RPTOR: variants seen among roughly 807,000 people sequenced by gnomAD.
RPTOR encodes the protein regulatory associated protein of MTOR complex 1.
RPTOR carries 21 observed loss-of-function variants against 169.9 expected under a neutral mutation model. The observed-to-expected ratio is 0.12, with a 90% CI of 0.09 to 0.18. The LOEUF (loss-of-function observed/expected upper bound fraction) is 0.18, where lower values mean the gene tolerates loss of function less well. RPTOR is among the 10% of genes least tolerant of loss of function. RPTOR has a pLI of 1.00. For missense variants in RPTOR, 1,133 were observed against 1,855.9 expected (o/e 0.61, Z 7.16); for synonymous variants, 732 against 753.2 (o/e 0.97, Z 0.46).
chr17:80,569,149 C>G lies in RPTOR; in HGVS notation c.162+23358C>G, dbSNP rs549144973. Among the ~76,000 whole-genome samples, 14 of 152,218 alleles carry G rather than the reference C, an allele frequency of 9.2e-5. No individual in the cohort carries two copies. In the East Asian group the frequency reaches 2.5e-3, roughly 27 times the overall value. On this transcript the variant is annotated intron_variant, in intron 1 of 33. Coordinates refer to ENST00000306801, the MANE Select transcript of RPTOR (RefSeq NM_020761.3). ...TTCCTCGTCACTCTCATTTTTGGGT[C>G]TAGATGGACTGACTTTCTTGTGGTT...
chr17:80,664,239 A>T (rs2065746424), intron 3 of RPTOR, among the ~76,000 whole-genome samples: 1 of 152,266 alleles, frequency 6.6e-6, no homozygotes, highest in South Asian at 2.1e-4. Flanking sequence ...GAGGCTTCCT[A>T]TTCTTTCTTA....
At chr17:80,895,603 G>A (rs1472911525) in intron 20 of RPTOR, among the ~76,000 whole-genome samples, 2 of 152,222 alleles carry the variant, frequency 1.3e-5, no homozygotes, top group Non-Finnish European at 2.9e-5. Context: ...GTTCTTCAGC[G>A]TGGATACACG....
intron 7 of RPTOR, among the ~76,000 whole-genome samples, chr17:80,821,208 T>C (rs2589135): frequency 0.53 from 80,424 of 152,114 alleles, 21,704 homozygotes; most frequent in African/African-American, 0.62. Context: ...CCCTTGAGCC[T>C]AGGAGTTCAA....
At chr17:80,712,085 T>A (rs978260784) in intron 4 of RPTOR, among the ~76,000 whole-genome samples, 1 of 152,118 alleles carries the variant, frequency 6.6e-6, no homozygotes, top group African/African-American at 2.4e-5. Context: ...TTAAGAGCAG[T>A]TTTAATTTTA....
intron 17 of RPTOR, among the ~76,000 whole-genome samples, chr17:80,888,048 A>G (rs980543666): frequency 5.9e-5 from 9 of 152,098 alleles, no homozygotes; most frequent in Non-Finnish European, 1.0e-4. Context: ...CGGGGCTTGG[A>G]TGGGGGCTTA....
intron 2 of RPTOR, among the ~76,000 whole-genome samples, chr17:80,629,044 G>C (rs1219056497): frequency 2.8e-5 from 4 of 142,308 alleles, no homozygotes; most frequent in Admixed American, 2.1e-4. Context: ...CTGGGACTCA[G>C]CTCTCTATGT....
In RPTOR at chr17:80,965,257, T is replaced by C. The variant is rs554244448; in HGVS notation, c.*927T>C. On this transcript the variant is annotated 3_prime_UTR_variant, in exon 34 of 34. Coordinates refer to ENST00000306801, the MANE Select transcript of RPTOR (RefSeq NM_020761.3). ...TGCAGATGGCACCACGGCCGGCACC[T>C]GGGGGCACACACATGCAGGCGGCGT... The C allele has an allele frequency of 3.0e-4, 71 of 233,388 alleles. No homozygotes were observed. The highest frequency in any genetic ancestry group is 1.4e-3 in the African/African-American group (65 of 45,472). The allele number at this position is 233,388 out of a possible 1,614,324, so 14.5% of individuals were successfully genotyped here. A position where few individuals can be genotyped will look rare whatever the true frequency, so the allele number is the denominator to read the frequency against.
intron 6 of RPTOR, among the ~76,000 whole-genome samples, chr17:80,775,586 C>T (rs558805850): frequency 2.6e-5 from 4 of 152,358 alleles, no homozygotes; most frequent in African/African-American, 9.6e-5. Flanking sequence ...GAAATACTGG[C>T]TTATGCCTAA....
intron 6 of RPTOR, among the ~76,000 whole-genome samples, chr17:80,771,855 G>A (rs1234090656): frequency 1.3e-5 from 2 of 152,154 alleles, no homozygotes; most frequent in African/African-American, 2.4e-5. Flanking sequence ...CTTCTCGCTC[G>A]GGCACCCCAG....
At chr17:80,829,627 A>G (rs1490402457) in intron 9 of RPTOR, among the ~76,000 whole-genome samples, 1 of 152,210 alleles carries the variant, frequency 6.6e-6, no homozygotes, top group East Asian at 1.9e-4. Flanking sequence ...GGCTCCCAGC[A>G]TGGGGGGCGG....
rs1420564175 is a variant in RPTOR at position 80,695,807 on chromosome 17, G to T, written c.349-12034G>T. Among the ~76,000 whole-genome samples the T allele has an allele frequency of 1.3e-5, 2 of 152,198 alleles. No homozygotes were observed. Among genetic ancestry groups the T allele is most frequent in the Non-Finnish European group, 2.9e-5 (2 of 68,030 alleles). On this transcript the variant is annotated intron_variant, in intron 3 of 33. Transcript: ENST00000306801. This position sits in a 1 kb window ranked among gnomAD's most constrained non-coding sequence, Gnocchi z 4.9. Reference sequence around the variant, plus strand: ...GAGCTCAGGATGCAGAGGCACCAAGGCCAGGGAGGAGCGTTGGGGGTGGCT... The same window carrying T: ...GAGCTCAGGATGCAGAGGCACCAAGTCCAGGGAGGAGCGTTGGGGGTGGCT...
intron 28 of RPTOR, among the ~76,000 whole-genome samples, chr17:80,956,288 A>G (rs2069248018): frequency 1.3e-5 from 2 of 152,142 alleles, no homozygotes; most frequent in Admixed American, 6.5e-5. Context: ...GGTGGGTACA[A>G]GGATTACTAT....
intron 9 of RPTOR, among the ~76,000 whole-genome samples, chr17:80,827,818 G>A (rs572963775): frequency 2.5e-4 from 38 of 152,170 alleles, no homozygotes; most frequent in Admixed American, 2.2e-3. Context: ...CGCCTGCTGC[G>A]TGTTGGGCTT....
chr17:80,658,613 C>T (rs1251780853), intron 3 of RPTOR, among the ~76,000 whole-genome samples: 2 of 152,310 alleles, frequency 1.3e-5, no homozygotes, highest in African/African-American at 2.4e-5. Flanking sequence ...TTTCTAAGTA[C>T]TATCACTTAA....
intron 24 of RPTOR, among the ~76,000 whole-genome samples, chr17:80,928,555 C>T (rs1261965548): frequency 2.6e-5 from 4 of 152,294 alleles, no homozygotes; most frequent in African/African-American, 4.8e-5. Flanking sequence ...CCAAGGACAC[C>T]GTGGTAAGGA....
At chr17:80,769,246 C>G (rs1380362100) in intron 6 of RPTOR, among the ~76,000 whole-genome samples, 1 of 151,866 alleles carries the variant, frequency 6.6e-6, no homozygotes, top group African/African-American at 2.4e-5. Context: ...GTGAATTAAT[C>G]CAGGAGACGT....
Position 80,908,793 on chromosome 17 carries a change from T to C in RPTOR, c.2402-18T>C. On this transcript the variant is annotated intron_variant, in intron 20 of 33. Transcript: ENST00000306801. Reference sequence around the variant, plus strand: ...GCAGCTACTTTCCACTAAAACATCTTCCATTTCTCTCTCTCAGGAGTTTCC... The same window carrying C: ...GCAGCTACTTTCCACTAAAACATCTCCCATTTCTCTCTCTCAGGAGTTTCC... 3 of 1,582,414 alleles carry C rather than the reference T, an allele frequency of 1.9e-6. No homozygotes were observed. Among genetic ancestry groups the C allele is most frequent in the Non-Finnish European group, 2.6e-6 (3 of 1,151,638 alleles).
intron 10 of RPTOR, among the ~76,000 whole-genome samples, chr17:80,843,228 G>A (rs765064426): frequency 6.6e-6 from 1 of 152,154 alleles, no homozygotes; most frequent in Admixed American, 6.5e-5. Flanking sequence ...CTCCCTCAAC[G>A]TGGTTGTAAA....
intron 28 of RPTOR, among the ~76,000 whole-genome samples, chr17:80,956,929 C>T (rs1380575643): frequency 1.3e-5 from 2 of 152,204 alleles, no homozygotes; most frequent in Non-Finnish European, 2.9e-5. Context: ...AGGCTCTGCT[C>T]CGAACAGTGG....
Sources: gnomAD v4.1 joint callset for allele counts (sites outside exome capture counted in the v4.1 genomes callset) on GRCh38, gnomAD v4.1.1 for gene constraint, Gnocchi (gnomAD v3.1) non-coding constraint, MANE v1.5 for transcripts, NCBI Gene and HGNC (gene_info 2026-07-23, HGNC 2026-07-21) for gene names.